MYOM2: variants seen among roughly 807,000 people sequenced by gnomAD.
MYOM2 encodes the protein myomesin-2.
Under a neutral mutation model 187.6 loss-of-function variants are expected in MYOM2, and 254 were observed. That is an observed-to-expected ratio of 1.35 (90% CI 1.22 to 1.50). The LOEUF (loss-of-function observed/expected upper bound fraction) is 1.50, where lower values mean the gene tolerates loss of function less well. MYOM2 is among the 40% of genes most tolerant of loss of function. The pLI is 0.00. For synonymous variants in MYOM2, 981 were observed against 753.8 expected (o/e 1.30, Z -4.94); for missense variants, 2,796 against 1,924.0 (o/e 1.45, Z -8.48).
At chr8:2,129,716 G>T (rs891648504) in intron 32 of MYOM2, among the ~76,000 whole-genome samples, 1 of 152,164 alleles carries the variant, frequency 6.6e-6, no homozygotes, top group Non-Finnish European at 1.5e-5. Context: ...GCTTCTCTGG[G>T]TCGGTACGGA....
intron 11 of MYOM2, among the ~76,000 whole-genome samples, chr8:2,077,957 T>G (rs1819491247): frequency 6.6e-6 from 1 of 152,162 alleles, no homozygotes; most frequent in Non-Finnish European, 1.5e-5. Context: ...CAGCTTTCAT[T>G]AAAAGTGCTG....
chr8:2,054,716 A>T (rs918795735), intron 3 of MYOM2, among the ~76,000 whole-genome samples: 11 of 152,256 alleles, frequency 7.2e-5, no homozygotes, highest in Admixed American at 3.9e-4. Flanking sequence ...CTGAACCTTT[A>T]AACTCATCAC....
chr8:2,142,266 C>T (rs932612166), intron 34 of MYOM2, 109 bp from the exon 35 acceptor site: 8 of 1,091,834 alleles, frequency 7.3e-6, no homozygotes, highest in Non-Finnish European at 1.1e-5. Flanking sequence ...AACGTATCTC[C>T]TTCTTCTTTT....
rs760888509 is a variant in MYOM2, at chr8:2,116,252, G to A, written c.3362G>A (p.Arg1121Lys). 14 of 1,612,740 alleles carry A rather than the reference G, an allele frequency of 8.7e-6. No homozygotes were observed. In the African/African-American group the frequency reaches 1.9e-4, roughly 22 times the overall value. ...GTGCTGGAAGAGGCTGAGTTTCAAA[G>A]GAAAGAATTTCTCAGGAAACAAGGT... The part of the protein sequence containing the change: ...KTVLEEAEFQ[R>K]KEFLRKQGPH... The change falls in exon 27 of 37, where the codon AGG becomes AAG. Residue 1121 changes from arginine (R) to lysine (K), a missense_variant. Arg to Lys is a conservative substitution (Grantham distance 26). Coordinates refer to ENST00000262113, the MANE Select transcript of MYOM2 (RefSeq NM_003970.4).
At chr8:2,124,280 G>A (rs1400963716) in intron 31 of MYOM2, 63 bp downstream of exon 31, 2 of 1,497,798 alleles carry the variant, frequency 1.3e-6, no homozygotes, top group African/African-American at 1.4e-5. Context: ...TTCCTGACAC[G>A]GGAAGTCACT....
At chr8:2,127,763 C>CGCAG (rs1007645370) in intron 31 of MYOM2, 1 of 153,416 alleles carries the variant, frequency 6.5e-6, no homozygotes, top group South Asian at 1.8e-4. Context: ...GTGGCGCAGC[C>CGCAG]GCAGGCAGGC....
rs151244583 is a variant in MYOM2 at position 2,116,271 on chromosome 8, A to G, written c.3381A>G (p.Lys1127=). 1.1e-5 allele frequency: 18 copies of G among 1,612,812 alleles called. No homozygotes were observed. The East Asian group carries it at 2.0e-4, about 18-fold the overall frequency. ...TTCAAAGGAAAGAATTTCTCAGGAAACAAGGTGAGTTTCCTCACTCTGACC... is the reference window on the plus strand; with the variant it reads ...TTCAAAGGAAAGAATTTCTCAGGAAGCAAGGTGAGTTTCCTCACTCTGACC... ...AEFQRKEFLR[K]QGPHFAEYLH... is the part of the protein sequence containing the mutation. Residue 1127 remains lysine, a synonymous_variant, in exon 27 of 37, where the codon AAA becomes AAG. Coordinates refer to ENST00000262113, the MANE Select transcript of MYOM2 (RefSeq NM_003970.4).
intron 34 of MYOM2, among the ~76,000 whole-genome samples, chr8:2,142,078 G>GAAAA (rs33965995): frequency 1.3e-5 from 2 of 148,576 alleles, no homozygotes; most frequent in African/African-American, 5.0e-5. Context: ...GTGAATTTGT[G>GAAAA]AAAAAAAAAA....
intron 1 of MYOM2, among the ~76,000 whole-genome samples, chr8:2,049,423 T>G (rs17064574): frequency 6.6e-6 from 1 of 152,204 alleles, no homozygotes; most frequent in South Asian, 2.1e-4. Flanking sequence ...TCTCGGAGAT[T>G]ACAGAGTTCA....
intron 6 of MYOM2, among the ~76,000 whole-genome samples, chr8:2,067,575 C>G (rs1417606459): frequency 1.3e-5 from 2 of 152,256 alleles, no homozygotes; most frequent in African/African-American, 4.8e-5. Context: ...CTCAGCTGAT[C>G]TTAGCGCCTC....
chr8:2,120,382 T>A (rs1797383625), intron 28 of MYOM2, among the ~76,000 whole-genome samples: 1 of 151,612 alleles, frequency 6.6e-6, no homozygotes. Context: ...GCGGGGACAC[T>A]GGGGTGTGAG....
intron 28 of MYOM2, among the ~76,000 whole-genome samples, chr8:2,121,050 A>G (rs1226066519): frequency 6.6e-6 from 1 of 152,112 alleles, no homozygotes; most frequent in Non-Finnish European, 1.5e-5. Flanking sequence ...ACAAATGAAA[A>G]GCATAATGGA....
chr8:2,100,615 C>T (rs995633852), intron 19 of MYOM2: 21 of 474,718 alleles, frequency 4.4e-5, no homozygotes, highest in African/African-American at 3.9e-5. Context: ...CTGCTGGTCC[C>T]GAGAATGCAG....
chr8:2,086,378 TGCGTGGCCTCCCACTG>T (rs1796052248), intron 14 of MYOM2, among the ~76,000 whole-genome samples: 1 of 5,006 alleles, frequency 2.0e-4, no homozygotes, highest in African/African-American at 7.7e-4. Context: ...TTGTGATCTC[TGCGTGGCCTCCCACTG>T]TTGTGATCTC....
In MYOM2 at chr8:2,144,721, A is replaced by G. The variant is rs747542102; in HGVS notation, c.4138A>G (p.Lys1380Glu). ...GNPDPEVIWF[K>E]NDQDIQLSEH... Reference sequence around the variant, plus strand: ...CCCTGACCCCGAAGTGATTTGGTTCAAGAACGACCAGGACATCCAGCTCAG... The same window carrying G: ...CCCTGACCCCGAAGTGATTTGGTTCGAGAACGACCAGGACATCCAGCTCAG... The change falls in exon 37 of 37, where the codon AAG becomes GAG. Residue 1380 changes from lysine to glutamate, a missense_variant. Coordinates refer to ENST00000262113, the MANE Select transcript of MYOM2 (RefSeq NM_003970.4). 3.7e-6 allele frequency: 6 copies of G among 1,614,074 alleles called. No individual in the cohort carries two copies. Among genetic ancestry groups the G allele is most frequent in the Admixed American group, 1.7e-5 (1 of 60,012 alleles).
At position 2,059,140 on chromosome 8, in the gene MYOM2, C is replaced by T. The variant is rs141914622; in HGVS notation, c.561-13C>T. 1,342 of 1,612,200 alleles carry T rather than the reference C, an allele frequency of 8.3e-4. 6 individuals are homozygous for T. In the African/African-American group the frequency reaches 0.012, roughly 15 times the overall value. ...CTCTGCCTTTAAACTAAAAACATGC[C>T]TCCCTCATTTAGGTACAAAGATGGC... is the stretch of plus-strand genomic sequence containing the variant. On this transcript the variant is annotated splice_polypyrimidine_tract_variant and intron_variant, in intron 5 of 36. Coordinates refer to ENST00000262113, the MANE Select transcript of MYOM2 (RefSeq NM_003970.4).
At chr8:2,089,898 C>A (rs982175176) in intron 14 of MYOM2, 110 bp from the exon 15 acceptor site, 8 of 946,356 alleles carry the variant, frequency 8.5e-6, no homozygotes, top group South Asian at 5.3e-5. Context: ...ACGCAGCGGG[C>A]GCGCCTGGTG....
chr8:2,045,612 G>C (rs1818287065), intron 1 of MYOM2, among the ~76,000 whole-genome samples: 2 of 152,216 alleles, frequency 1.3e-5, no homozygotes, highest in African/African-American at 4.8e-5. Flanking sequence ...AAGAGTCGAG[G>C]GTCATTCAGC....
chr8:2,112,175 G>A (rs915395141), intron 25 of MYOM2, among the ~76,000 whole-genome samples: 1 of 152,176 alleles, frequency 6.6e-6, no homozygotes, highest in Non-Finnish European at 1.5e-5. Flanking sequence ...ACAGTCAGAT[G>A]TGAAGTTGCC....
Sources: allele counts gnomAD v4.1 joint callset (sites outside exome capture counted in the v4.1 genomes callset), GRCh38; gene constraint gnomAD v4.1.1; transcripts MANE v1.5; gene names NCBI Gene and HGNC (gene_info 2026-07-23, HGNC 2026-07-21).